The following KNDC1 variants were observed in gnomAD, a reference collection of about 807,000 sequenced individuals.
KNDC1 encodes the protein kinase non-catalytic C-lobe domain-containing protein 1.
Under a neutral mutation model 172.8 loss-of-function variants are expected in KNDC1, and 106 were observed. The ratio of observed to expected loss-of-function variants is 0.61; its 90% CI spans 0.52 to 0.72. The LOEUF (loss-of-function observed/expected upper bound fraction) is 0.72, where lower values mean the gene tolerates loss of function less well. Ranked by LOEUF, KNDC1 falls within the 30% of genes least tolerant of loss-of-function variation. The pLI is 0.00. For synonymous variants in KNDC1, 1,083 were observed against 1,062.2 expected, an observed-to-expected ratio of 1.02 and a Z score of -0.38; for missense variants, 2,325 against 2,394.5, an observed-to-expected ratio of 0.97 and a Z score of 0.61.
At chr10:133,162,047 T>C (rs1340210505) in intron 1 of KNDC1, among the ~76,000 whole-genome samples, 3 of 152,194 alleles carry the variant, frequency 2.0e-5, no homozygotes, top group African/African-American at 7.2e-5. Context: ...GGCACAGTAC[T>C]GGGGTGGGTG....
At position 133,199,246 on chromosome 10, in the gene KNDC1, G is replaced by A; in HGVS notation, c.2738G>A (p.Gly913Glu). ...GCCTTCGATGGCTACCTGGACAATG[G>A]GCTGGAGGCTCTGATCATGGGTACG... ...EFAFDGYLDNGLEALIMGEYI... is the reference protein window; with the variant it reads ...EFAFDGYLDNELEALIMGEYI... Residue 913 changes from glycine (G) to glutamate (E), a missense_variant, in exon 14 of 30, where the codon GGG (glycine) becomes GAG (glutamate). Physicochemically the swap from Gly to Glu is moderately conservative, Grantham distance 98. Coordinates refer to ENST00000304613, the MANE Select transcript of KNDC1 (RefSeq NM_152643.8). The A allele has an allele frequency of 1.3e-6, 2 of 1,562,542 alleles. No homozygotes were observed. Among genetic ancestry groups the A allele is most frequent in the East Asian group, 2.3e-5 (1 of 43,026 alleles).
In KNDC1 at chr10:133,211,823, T is replaced by C. The variant is rs774930336; in HGVS notation, c.4201T>C (p.Cys1401Arg). Residue 1401 changes from cysteine to arginine, a missense_variant, in exon 23 of 30, where the codon TGT (cysteine) becomes CGT (arginine). Physicochemically the swap from Cys to Arg is radical, Grantham distance 180. Transcript: ENST00000304613. The part of the protein sequence containing the change: ...EEDARPFNAL[C>R]KRLSEDGISR... ...GGATGCCAGACCCTTCAACGCCCTCTGTAAGAGGCTCTCAGAGGACGGCAT... is the reference window on the plus strand; with the variant it reads ...GGATGCCAGACCCTTCAACGCCCTCCGTAAGAGGCTCTCAGAGGACGGCAT... 9 of 1,609,924 alleles carry C rather than the reference T, an allele frequency of 5.6e-6. No homozygotes were observed. Among genetic ancestry groups the C allele is most frequent in the Non-Finnish European group, 7.6e-6 (9 of 1,179,106 alleles).
At chr10:133,170,854 C>T (rs1369926550) in intron 3 of KNDC1, among the ~76,000 whole-genome samples, 2 of 151,188 alleles carry the variant, frequency 1.3e-5, no homozygotes, top group African/African-American at 4.9e-5. Context: ...CCAAGCCCAA[C>T]CCCAGCCCTA....
At position 133,163,129 on chromosome 10, in the gene KNDC1, C is replaced by T. The variant is rs1225561367; in HGVS notation, c.102+2560C>T. Among the ~76,000 whole-genome samples the T allele has an allele frequency of 6.6e-6, 1 of 152,126 alleles. No homozygotes were observed. Among genetic ancestry groups the T allele is most frequent in the Admixed American group, 6.5e-5 (1 of 15,278 alleles). ...GAACAGTGCAATCCAGGCAGAACAG[C>T]GGCTGCAGAAGAGGCACACAGTCCA... On this transcript the variant is annotated intron_variant, in intron 1 of 29. Coordinates refer to ENST00000304613, the MANE Select transcript of KNDC1 (RefSeq NM_152643.8). This position sits in a 1 kb window ranked among gnomAD's most constrained non-coding sequence, Gnocchi z 4.4.
chr10:133,206,288 AC>A (rs1327814127), intron 17 of KNDC1, among the ~76,000 whole-genome samples: 3 of 152,220 alleles, frequency 2.0e-5, no homozygotes, highest in African/African-American at 7.2e-5. Flanking sequence ...TCCCGCTGCC[AC>A]CCCCTGCCCC....
chr10:133,213,694 T>G lies in KNDC1; in HGVS notation c.4493T>G (p.Leu1498Arg). 2 of 1,614,090 alleles carry G rather than the reference T, an allele frequency of 1.2e-6. No individual in the cohort carries two copies. Among genetic ancestry groups the G allele is most frequent in the Non-Finnish European group, 1.7e-6 (2 of 1,179,970 alleles). The stretch of plus-strand genomic sequence containing the variant: ...GTCCACTTCCTGAACTCACGGGCCC[T>G]GGGCGTCATGGACAAGAGCACTGCC... ...HPVHFLNSRA[L>R]GVMDKSTAIP... The change falls in exon 25 of 30, where the codon CTG becomes CGG. Residue 1498 changes from leucine to arginine, a missense_variant. Coordinates refer to ENST00000304613, the MANE Select transcript of KNDC1 (RefSeq NM_152643.8).
At chr10:133,202,803 G>A (rs979832537) in intron 17 of KNDC1, 8 of 384,862 alleles carry the variant, frequency 2.1e-5, no homozygotes, top group South Asian at 3.8e-5. Flanking sequence ...TCTGGGCCAC[G>A]TGAAAGACCC....
chr10:133,207,156 G>A lies in KNDC1; in HGVS notation c.3599G>A (p.Trp1200Ter). The change falls in exon 20 of 30, where the codon TGG becomes TAG. Residue 1200 changes from tryptophan to a stop codon, truncating the protein, a stop_gained. Coordinates refer to ENST00000304613, the MANE Select transcript of KNDC1 (RefSeq NM_152643.8). LOFTEE classifies it high-confidence loss of function. The stretch of plus-strand genomic sequence containing the variant: ...CGGCAGGTCATGTACGCGGAACGCT[G>A]GGGCCTGGAGCCCTGCACCCTCCCA... ...KYLQVMYAERWGLEPCTLPVI... is the reference protein window; with the variant it reads ...KYLQVMYAER 6.3e-7 allele frequency: 1 copy of A among 1,599,286 alleles called. No homozygotes were observed. Among genetic ancestry groups the A allele is most frequent in the Non-Finnish European group, 8.5e-7 (1 of 1,174,162 alleles).
intron 28 of KNDC1, 85 bp from the exon 29 acceptor site, chr10:133,219,870 G>C: frequency 2.2e-6 from 3 of 1,367,264 alleles, no homozygotes; most frequent in East Asian, 2.6e-5. Flanking sequence ...CGCTGGGACT[G>C]GTTGGGCTGC....
At chr10:133,213,524 A>G (rs1372692067) in intron 24 of KNDC1, 121 bp from the exon 25 acceptor site, 3 of 787,592 alleles carry the variant, frequency 3.8e-6, no homozygotes, top group Non-Finnish European at 6.4e-6. Context: ...TTAGATGGGT[A>G]TTGAACCTGG....
chr10:133,160,491 G>C lies in KNDC1; in HGVS notation c.24G>C (p.Ala8=). Residue 8 remains alanine (A), a synonymous_variant, in exon 1 of 30, where the codon GCG becomes GCC. Transcript: ENST00000304613. MQAMDPA[A]ADLYEEDGKD... is the part of the protein sequence containing the mutation. ...GGATGCAGGCCATGGACCCGGCCGC[G>C]GCGGATCTTTACGAGGAGGACGGCA... 3 of 1,584,890 alleles carry C rather than the reference G, an allele frequency of 1.9e-6. No homozygotes were observed. Among genetic ancestry groups the C allele is most frequent in the South Asian group, 2.3e-5 (2 of 87,388 alleles).
chr10:133,206,798 A>T lies in KNDC1; in HGVS notation c.3481+20A>T. Reference sequence around the variant, plus strand: ...ACAAAGGTAAGGCCCCTGTGGGCACAGGTCCGAGACCCTGGCTGCAGGCAG... The same window carrying T: ...ACAAAGGTAAGGCCCCTGTGGGCACTGGTCCGAGACCCTGGCTGCAGGCAG... On this transcript the variant is annotated intron_variant, in intron 18 of 29. Coordinates refer to ENST00000304613, the MANE Select transcript of KNDC1 (RefSeq NM_152643.8). 1 of 1,613,674 alleles carries T rather than the reference A, an allele frequency of 6.2e-7. No individual in the cohort carries two copies. Among genetic ancestry groups the T allele is most frequent in the Non-Finnish European group, 8.5e-7 (1 of 1,179,616 alleles).
rs758788460 is a variant in KNDC1, at chr10:133,198,712, G to A, written c.2204G>A (p.Gly735Asp). ...AAGACGCCTGACGGGCCGGTGCCTG[G>A]TCCGGGGCCACAGGGAGCAGCCCCA... ...SLKTPDGPVPGPGPQGAAPEP... is the reference protein window; with the variant it reads ...SLKTPDGPVPDPGPQGAAPEP... The change falls in exon 14 of 30, where the codon GGT (glycine) becomes GAT (aspartate). Residue 735 changes from glycine (G) to aspartate (D), a missense_variant. Coordinates refer to ENST00000304613, the MANE Select transcript of KNDC1 (RefSeq NM_152643.8). 5 of 1,576,944 alleles carry A rather than the reference G, an allele frequency of 3.2e-6. No homozygotes were observed. Among genetic ancestry groups the A allele is most frequent in the Non-Finnish European group, 4.3e-6 (5 of 1,162,286 alleles).
rs576154989 is a variant in KNDC1, at chr10:133,189,905, T to C, written c.1575+92T>C. 4 of 1,079,566 alleles carry C rather than the reference T, an allele frequency of 3.7e-6. No individual in the cohort carries two copies. In the East Asian group the frequency reaches 1.0e-4, roughly 28 times the overall value. 66.9% of individuals were successfully genotyped at this position (1,079,566 alleles called of 1,614,324 possible). A position where few individuals can be genotyped will look rare whatever the true frequency, so the allele number is the denominator to read the frequency against. On this transcript the variant is annotated intron_variant, in intron 9 of 29. Coordinates refer to ENST00000304613, the MANE Select transcript of KNDC1 (RefSeq NM_152643.8). ...CTGTCCAGCAGCCCCCCATCAGGACTCGAGGGAGTCAGGGCAGCCCTTCCT... is the reference window on the plus strand; with the variant it reads ...CTGTCCAGCAGCCCCCCATCAGGACCCGAGGGAGTCAGGGCAGCCCTTCCT...
At chr10:133,195,880 C>T in intron 10 of KNDC1, 59 bp downstream of exon 10, 1 of 1,425,114 alleles carries the variant, frequency 7.0e-7, no homozygotes. Context: ...GCAGTGGCCG[C>T]CCTCGCTGAG....
At chr10:133,207,382 G>A in intron 20 of KNDC1, 31 bp downstream of exon 20, 1 of 1,598,664 alleles carries the variant, frequency 6.3e-7, no homozygotes, top group Non-Finnish European at 8.6e-7. Flanking sequence ...ACCCGGAAAA[G>A]GAGACGTAGC....
At chr10:133,194,277 A>C (rs755988753) in intron 9 of KNDC1, among the ~76,000 whole-genome samples, 13 of 152,242 alleles carry the variant, frequency 8.5e-5, no homozygotes, top group Non-Finnish European at 1.9e-4. Context: ...ACACTTGGAA[A>C]CGAAACAACA....
At chr10:133,177,922 A>G (rs1054595067) in intron 3 of KNDC1, among the ~76,000 whole-genome samples, 1 of 140,128 alleles carries the variant, frequency 7.1e-6, no homozygotes, top group Non-Finnish European at 1.5e-5. Context: ...GTGTGCAAGC[A>G]TGTAGTGTGT....
chr10:133,192,470 G>T (rs1854090276), intron 9 of KNDC1, among the ~76,000 whole-genome samples: 1 of 152,136 alleles, frequency 6.6e-6, no homozygotes, highest in African/African-American at 2.4e-5. Flanking sequence ...ATACCAACCT[G>T]GAGATGACAG....
Sources: allele counts gnomAD v4.1 joint callset (sites outside exome capture counted in the v4.1 genomes callset), GRCh38; gene constraint gnomAD v4.1.1; non-coding constraint Gnocchi (gnomAD v3.1); transcripts MANE v1.5; gene names NCBI Gene and HGNC (gene_info 2026-07-23, HGNC 2026-07-21).